Variants in STK32B observed in about 807,000 individuals in gnomAD.
The protein encoded by STK32B is serine/threonine kinase 32B, also known as serine/threonine-protein kinase 32B.
STK32B carries 43 observed loss-of-function variants against 52.6 expected under a neutral mutation model. That is an observed-to-expected ratio of 0.82 (90% CI 0.64 to 1.05). The LOEUF is 1.05. STK32B is among the 50% of genes least tolerant of loss of function. The pLI is 0.00. For synonymous variants in STK32B, 238 were observed against 204.3 expected, an observed-to-expected ratio of 1.17 and a Z score of -1.41; for missense variants, 621 against 534.6, an observed-to-expected ratio of 1.16 and a Z score of -1.59.
At chr4:5,203,849 C>T (rs1192266462) in intron 3 of STK32B, among the ~76,000 whole-genome samples, 1 of 152,206 alleles carries the variant, frequency 6.6e-6, no homozygotes, top group Admixed American at 6.5e-5. Flanking sequence ...CCCTTGCACT[C>T]CTGCAGAGAT....
rs1560126701 is a variant in STK32B at position 5,051,887 on chromosome 4, G to C, written c.24G>C (p.Lys8Asn). 3 of 1,600,496 alleles carry C rather than the reference G, an allele frequency of 1.9e-6. No homozygotes were observed. ...ATATGGGCGGGAACCACTCCCACAA[G>C]CCCCCCGTGTTTGACGAGAATGAGG... is the stretch of plus-strand genomic sequence containing the variant. MGGNHSHKPPVFDENEEV... is the reference protein window; with the variant it reads MGGNHSHNPPVFDENEEV... Residue 8 changes from lysine to asparagine, a missense_variant, in exon 1 of 12, where the codon AAG (lysine) becomes AAC (asparagine). Physicochemically the swap from Lys to Asn is moderately conservative, Grantham distance 94 (BLOSUM62 0). Transcript: ENST00000282908.
At chr4:5,060,168 G>T (rs184161763) in intron 1 of STK32B, among the ~76,000 whole-genome samples, 9 of 152,088 alleles carry the variant, frequency 5.9e-5, no homozygotes, top group Non-Finnish European at 1.3e-4. Flanking sequence ...GTTTTTCCAC[G>T]TTAGTCAGGC....
At chr4:5,335,817 A>G (rs1195425436) in intron 4 of STK32B, among the ~76,000 whole-genome samples, 1 of 151,826 alleles carries the variant, frequency 6.6e-6, no homozygotes, top group Non-Finnish European at 1.5e-5. Context: ...CCTGAGTTGT[A>G]GTTTGATTGC....
intron 3 of STK32B, among the ~76,000 whole-genome samples, chr4:5,229,896 G>A (rs1423369549): frequency 6.6e-6 from 1 of 152,150 alleles, no homozygotes; most frequent in Non-Finnish European, 1.5e-5. Flanking sequence ...TAGTTACACT[G>A]AAGATGGCTA....
intron 3 of STK32B, among the ~76,000 whole-genome samples, chr4:5,299,494 T>C (rs1729417676): frequency 6.6e-6 from 1 of 152,136 alleles, no homozygotes; most frequent in South Asian, 2.1e-4. Flanking sequence ...GATTACCCAA[T>C]TTATCCAGCA....
intron 2 of STK32B, among the ~76,000 whole-genome samples, chr4:5,155,065 C>G (rs556541606): frequency 4.6e-5 from 7 of 152,268 alleles, no homozygotes; most frequent in African/African-American, 1.7e-4. Context: ...CTTCAAGTCT[C>G]TTGACCACAC....
chr4:5,496,435 A>G (rs1720257165), intron 11 of STK32B, among the ~76,000 whole-genome samples: 1 of 152,160 alleles, frequency 6.6e-6, no homozygotes, highest in Non-Finnish European at 1.5e-5. Context: ...GGAAAAGCGC[A>G]GTATTGGGGT....
At chr4:5,486,638 A>C (rs1273369888) in intron 11 of STK32B, among the ~76,000 whole-genome samples, 2 of 152,202 alleles carry the variant, frequency 1.3e-5, no homozygotes, top group African/African-American at 4.8e-5. Context: ...CTGGTACCTC[A>C]GTTGGAAATG....
At chr4:5,451,754 T>C (rs1716020170) in intron 7 of STK32B, among the ~76,000 whole-genome samples, 1 of 152,148 alleles carries the variant, frequency 6.6e-6, no homozygotes, top group African/African-American at 2.4e-5. Flanking sequence ...CACCCAGTTA[T>C]GACAATCCAA....
intron 2 of STK32B, among the ~76,000 whole-genome samples, chr4:5,153,750 A>G (rs1717565422): frequency 6.6e-6 from 1 of 152,220 alleles, no homozygotes. Flanking sequence ...AACTGTCTCT[A>G]TTCACAGACT....
chr4:5,077,224 A>G (rs1351080450), intron 1 of STK32B, among the ~76,000 whole-genome samples: 2 of 152,184 alleles, frequency 1.3e-5, no homozygotes, highest in African/African-American at 4.8e-5. Context: ...TACATTTAAT[A>G]TGGTCCCCCA....
At position 5,341,739 on chromosome 4, in the gene STK32B, G is replaced by A. The variant is rs190299122; in HGVS notation, c.434+10346G>A. On this transcript the variant is annotated intron_variant, in intron 4 of 11. Coordinates refer to ENST00000282908, the MANE Select transcript of STK32B (RefSeq NM_018401.3). ...GGAAGCATGCTGCTGGCATCTGTTC[G>A]GCTTCTGGGGAGGCCTCAGGAAACC... 7.3e-3 allele frequency among the ~76,000 whole-genome samples: 1,106 copies of A among 152,260 alleles called. 11 individuals are homozygous for A. Among genetic ancestry groups the A allele is most frequent in the Non-Finnish European group, 0.011 (737 of 68,000 alleles).
intron 4 of STK32B, among the ~76,000 whole-genome samples, chr4:5,383,188 G>A (rs1410416716): frequency 3.3e-5 from 5 of 152,068 alleles, no homozygotes; most frequent in East Asian, 1.9e-4. Context: ...TGGAGGGTGC[G>A]TATTTTTCAG....
At chr4:5,357,903 T>A (rs1734290105) in intron 4 of STK32B, among the ~76,000 whole-genome samples, 1 of 152,162 alleles carries the variant, frequency 6.6e-6, no homozygotes, top group Non-Finnish European at 1.5e-5. Context: ...TAAGCAGTAC[T>A]CTTTCATTAC....
rs533431320 is a variant in STK32B, at chr4:5,415,806, G to T, written c.473-1039G>T. The stretch of plus-strand genomic sequence containing the variant: ...GGTGCTTTTTTTGTCCACTGTAGCC[G>T]ATCACATCAGGCATGCCCCTCCCAT... On this transcript the variant is annotated intron_variant, in intron 5 of 11. Coordinates refer to ENST00000282908, the MANE Select transcript of STK32B (RefSeq NM_018401.3). Among the ~76,000 whole-genome samples, 64 of 152,240 alleles carry T rather than the reference G, an allele frequency of 4.2e-4. 1 individual carries two copies. The highest frequency in any genetic ancestry group is 8.7e-4 in the Non-Finnish European group (59 of 68,016).
chr4:5,382,260 G>A (rs1490445802), intron 4 of STK32B, among the ~76,000 whole-genome samples: 4 of 152,112 alleles, frequency 2.6e-5, no homozygotes, highest in Admixed American at 6.5e-5. Context: ...TAACCATCCC[G>A]CTGGTGACCC....
intron 3 of STK32B, among the ~76,000 whole-genome samples, chr4:5,234,008 C>G (rs1298679190): frequency 2.6e-5 from 4 of 152,086 alleles, no homozygotes; most frequent in African/African-American, 4.8e-5. Context: ...CCCTCTTGCC[C>G]TGACCTGGAT....
intron 1 of STK32B, among the ~76,000 whole-genome samples, chr4:5,086,184 C>A (rs892048329): frequency 1.1e-4 from 16 of 152,166 alleles, no homozygotes; most frequent in Non-Finnish European, 2.9e-5. Flanking sequence ...CATGCCCAGG[C>A]TTGTGCACCT....
At chr4:5,457,216 T>TTC (rs1716616183) in intron 8 of STK32B, among the ~76,000 whole-genome samples, 1 of 141,630 alleles carries the variant, frequency 7.1e-6, no homozygotes, top group African/African-American at 2.9e-5. Flanking sequence ...TTTTTTCTTT[T>TTC]TTTTTTTTTT....
Sources: gnomAD v4.1 joint callset for allele counts (sites outside exome capture counted in the v4.1 genomes callset) on GRCh38, gnomAD v4.1.1 for gene constraint, MANE v1.5 for transcripts, NCBI Gene and HGNC (gene_info 2026-07-23, HGNC 2026-07-21) for gene names.